Variants in FAM107B observed in about 807,000 individuals in gnomAD.
FAM107B encodes protein FAM107B.
Under a neutral mutation model 31.5 loss-of-function variants are expected in FAM107B, and 21 were observed. The ratio of observed to expected loss-of-function variants is 0.67; its 90% CI spans 0.47 to 0.96. The LOEUF is 0.96. Ranked by LOEUF, FAM107B falls within the 40% of genes least tolerant of loss-of-function variation. The probability of loss-of-function intolerance (pLI) is 0.00; values close to 1 mark genes in which losing one functional copy is unlikely to be tolerated. For synonymous variants in FAM107B, 157 were observed against 141.5 expected (o/e 1.11, Z -0.78); for missense variants, 452 against 377.1 (o/e 1.20, Z -1.64).
intron 2 of FAM107B, chr10:14,548,528 G>T: frequency 1.0e-6 from 1 of 985,464 alleles, no homozygotes; most frequent in Non-Finnish European, 1.2e-6. Context: ...TCGCTTGGAG[G>T]TGGCAGGAGG....
At chr10:14,683,919 T>C (rs943997871) in intron 1 of FAM107B, among the ~76,000 whole-genome samples, 3 of 152,218 alleles carry the variant, frequency 2.0e-5, no homozygotes, top group Admixed American at 2.0e-4. Flanking sequence ...TGGAAAACAA[T>C]GCACAGTTAA....
chr10:14,572,748 T>TATAC lies in FAM107B; in HGVS notation c.470-42234_470-42233insGTAT, dbSNP rs1421838398. Among the ~76,000 whole-genome samples, 263 of 140,396 alleles carry TATAC rather than the reference T, an allele frequency of 1.9e-3. 8 individuals carry two copies. The highest frequency in any genetic ancestry group is 3.3e-3 in the Non-Finnish European group (216 of 64,930). The allele number at this position is 140,396 out of a possible 152,430, so 92.1% of individuals were successfully genotyped here. A position where few individuals can be genotyped will look rare whatever the true frequency, so the allele number is the denominator to read the frequency against. On this transcript the variant is annotated intron_variant, in intron 2 of 4. Coordinates refer to ENST00000181796, the MANE Select transcript of FAM107B (RefSeq NM_031453.4). Reference sequence around the variant, plus strand: ...AAAAAAAAAAAAAAATTTATATATATATATATATATATTAGAGTGTGTGTG... The same window carrying TATAC: ...AAAAAAAAAAAAAAATTTATATATATATACATATATATATATTAGAGTGTGTGTG...
rs57206586 is a variant in FAM107B at position 14,570,233 on chromosome 10, G to GGTGTGTGTGTGTGT, written c.470-39732_470-39719dup. On this transcript the variant is annotated intron_variant, in intron 2 of 4. Transcript: ENST00000181796. ...ACGTACCTACCAAAAAAATGTGGTGGGTGTGTGTGTGTGTGTGTGTGTGTG... is the reference window on the plus strand; with the variant it reads ...ACGTACCTACCAAAAAAATGTGGTGGGTGTGTGTGTGTGTGTGTGTGTGTGTGTGTGTGTGTGTG... Among the ~76,000 whole-genome samples, 7 of 140,426 alleles carry GGTGTGTGTGTGTGT rather than the reference G, an allele frequency of 5.0e-5. No homozygotes were observed. The South Asian group carries it at 8.8e-4, about 18-fold the overall frequency. The allele number at this position is 140,426 out of a possible 152,430, so 92.1% of individuals were successfully genotyped here. A position where few individuals can be genotyped will look rare whatever the true frequency, so the allele number is the denominator to read the frequency against.
At chr10:14,614,542 G>C (rs143034463) in intron 2 of FAM107B, among the ~76,000 whole-genome samples, 8 of 151,418 alleles carry the variant, frequency 5.3e-5, no homozygotes, top group Non-Finnish European at 2.9e-5. Context: ...GCATGGTGGC[G>C]CATGCCTGTA....
chr10:14,694,443 G>T (rs937184112), intron 1 of FAM107B, among the ~76,000 whole-genome samples: 2 of 152,164 alleles, frequency 1.3e-5, no homozygotes, highest in Admixed American at 6.5e-5. Flanking sequence ...GAGTGCAGTG[G>T]TGTGATCTTG....
intron 3 of FAM107B, among the ~76,000 whole-genome samples, chr10:14,527,021 T>C (rs1846323651): frequency 1.3e-5 from 2 of 152,000 alleles, no homozygotes; most frequent in South Asian, 4.1e-4. Flanking sequence ...ATATTTTTAG[T>C]AGAGATGGGG....
chr10:14,753,443 G>A (rs11259308), intron 1 of FAM107B, among the ~76,000 whole-genome samples: 1 of 152,074 alleles, frequency 6.6e-6, no homozygotes, highest in Non-Finnish European at 1.5e-5. Flanking sequence ...TTCATCATGG[G>A]AGGTCTTCCT....
intron 1 of FAM107B, among the ~76,000 whole-genome samples, chr10:14,708,260 T>C (rs952743969): frequency 2.0e-5 from 3 of 152,114 alleles, no homozygotes; most frequent in Non-Finnish European, 2.9e-5. Context: ...TTTTAATTTT[T>C]ATTAGAGATG....
At chr10:14,568,856 G>A (rs1850940615) in intron 2 of FAM107B, among the ~76,000 whole-genome samples, 1 of 151,846 alleles carries the variant, frequency 6.6e-6, no homozygotes, top group Non-Finnish European at 1.5e-5. Context: ...GAAGGAGGGG[G>A]AGAGACAGGG....
intron 2 of FAM107B, chr10:14,572,422 C>A: frequency 1.0e-6 from 1 of 985,236 alleles, no homozygotes. Flanking sequence ...GACAAGTTCT[C>A]GCACTTCTTA....
intron 2 of FAM107B, among the ~76,000 whole-genome samples, chr10:14,628,360 C>T (rs1588668299): frequency 6.6e-6 from 1 of 152,160 alleles, no homozygotes; most frequent in South Asian, 2.1e-4. Context: ...TCAGGTGATC[C>T]ACCTGCCTTG....
intron 2 of FAM107B, chr10:14,572,039 C>T (rs2131270954): frequency 1.0e-6 from 1 of 985,388 alleles, no homozygotes; most frequent in East Asian, 1.1e-4. Flanking sequence ...GCACCCAAAA[C>T]AAGAATTAAC....
At chr10:14,679,539 G>C (rs1303487706) in intron 1 of FAM107B, among the ~76,000 whole-genome samples, 1 of 152,178 alleles carries the variant, frequency 6.6e-6, no homozygotes, top group Non-Finnish European at 1.5e-5. Flanking sequence ...GAGATAGCGG[G>C]ACTATCATCT....
At chr10:14,557,866 G>A (rs1264630584) in intron 2 of FAM107B, among the ~76,000 whole-genome samples, 1 of 152,232 alleles carries the variant, frequency 6.6e-6, no homozygotes, top group African/African-American at 2.4e-5. Flanking sequence ...AGGTCTACCT[G>A]ATGCCAGAGT....
chr10:14,735,681 T>A (rs985166461), intron 1 of FAM107B, among the ~76,000 whole-genome samples: 4 of 152,152 alleles, frequency 2.6e-5, no homozygotes, highest in Non-Finnish European at 4.4e-5. Flanking sequence ...CTCCTTTTCA[T>A]AGAATTTAAA....
intron 1 of FAM107B, among the ~76,000 whole-genome samples, chr10:14,687,203 C>CA (rs1226290590): frequency 1.3e-5 from 2 of 152,220 alleles, no homozygotes; most frequent in African/African-American, 4.8e-5. Flanking sequence ...GGTCAGGAGA[C>CA]ACATGTTCCC....
At chr10:14,613,042 G>T (rs1852763095) in intron 2 of FAM107B, among the ~76,000 whole-genome samples, 1 of 152,138 alleles carries the variant, frequency 6.6e-6, no homozygotes, top group African/African-American at 2.4e-5. Flanking sequence ...CGCAATCTCA[G>T]CTCAGTGCAA....
chr10:14,742,187 A>G (rs915260179), intron 1 of FAM107B, among the ~76,000 whole-genome samples: 6 of 151,938 alleles, frequency 3.9e-5, no homozygotes, highest in Admixed American at 6.6e-5. Context: ...TCATGACCCA[A>G]CTCACTGTAG....
At chr10:14,537,945 A>G in intron 2 of FAM107B, among the ~76,000 whole-genome samples, 1 of 152,170 alleles carries the variant, frequency 6.6e-6, no homozygotes, top group African/African-American at 2.4e-5. Context: ...AATAAGAATA[A>G]ATTAGTAACA....
Sources: allele counts gnomAD v4.1 joint callset (sites outside exome capture counted in the v4.1 genomes callset), GRCh38; gene constraint gnomAD v4.1.1; transcripts MANE v1.5; gene names NCBI Gene and HGNC (gene_info 2026-07-23, HGNC 2026-07-21).